The following COL4A4 variants were observed in gnomAD, a reference collection of about 807,000 sequenced individuals.
The protein encoded by COL4A4 is collagen type IV alpha 4 chain, also known as collagen alpha-4(IV) chain.
A neutral mutation model predicts 192.9 loss-of-function variants in COL4A4; 105 were observed. The observed-to-expected ratio is 0.54, with a 90% CI of 0.46 to 0.64. The LOEUF is 0.64. Among genes scored for constraint, COL4A4 ranks in the 30% least tolerant of loss-of-function variants. The pLI, the probability that COL4A4 is intolerant of heterozygous loss-of-function variation, is 0.00. For synonymous variants in COL4A4, 762 were observed against 769.9 expected (o/e 0.99, Z 0.17); for missense variants, 1,967 against 2,169.3 (o/e 0.91, Z 1.85).
At chr2:227,023,977 G>A (rs997063744) in intron 43 of COL4A4, among the ~76,000 whole-genome samples, 1 of 150,676 alleles carries the variant, frequency 6.6e-6, no homozygotes, top group African/African-American at 2.4e-5. Context: ...TTAAACTCCA[G>A]CCTGGTGACA....
the COL4A4 span, among the ~76,000 whole-genome samples, chr2:226,976,911 C>T: frequency 2.0e-5 from 3 of 152,180 alleles, no homozygotes; most frequent in East Asian, 5.8e-4. Context: ...TTTTGACCCC[C>T]TCCTCCCATT....
intron 43 of COL4A4, among the ~76,000 whole-genome samples, chr2:227,023,733 G>T (rs926314589): frequency 9.2e-5 from 14 of 152,294 alleles, no homozygotes; most frequent in Admixed American, 7.8e-4. Flanking sequence ...CTCAGGCTTC[G>T]CCAGGCGCGG....
At chr2:227,042,633 T>C (rs1474735748) in intron 36 of COL4A4, among the ~76,000 whole-genome samples, 1 of 152,106 alleles carries the variant, frequency 6.6e-6, no homozygotes, top group Non-Finnish European at 1.5e-5. Context: ...AAGGAGCTGC[T>C]ATCTGGGCCA....
At chr2:227,119,721 G>GAT (rs995106716) in intron 6 of COL4A4, among the ~76,000 whole-genome samples, 174 bp downstream of exon 6, 11 of 147,976 alleles carry the variant, frequency 7.4e-5, no homozygotes, top group South Asian at 4.2e-4. Flanking sequence ...TATGGTGAAA[G>GAT]ATATATATAT....
At chr2:227,158,389 A>G (rs2064524660) in intron 1 of COL4A4, among the ~76,000 whole-genome samples, 2 of 152,190 alleles carry the variant, frequency 1.3e-5, no homozygotes, top group African/African-American at 2.4e-5. Context: ...AGAAGAAAAC[A>G]TAGGAGAAAA....
rs754649548 is a variant in COL4A4, at chr2:227,098,798, C to T, written c.1100G>A (p.Gly367Asp). 1.2e-6 allele frequency: 2 copies of T among 1,612,448 alleles called. No individual in the cohort carries two copies. The highest frequency in any genetic ancestry group is 1.7e-5 in the Admixed American group (1 of 59,988). The change falls in exon 19 of 48, where the codon GGC becomes GAC. Residue 367 changes from glycine (G) to aspartate (D), a missense_variant and splice_region_variant. By Grantham distance (94) the Gly-to-Asp change is moderately conservative. Transcript: ENST00000396625. ...VLVTPPLPLK[G>D]PPGDPGFPGR... is the part of the protein sequence containing the mutation. ...AGGGAACCCTGGGTCCCCTGGTGGGCCTGCCAAAGATAATGGTACATGAGA... is the reference window on the plus strand; with the variant it reads ...AGGGAACCCTGGGTCCCCTGGTGGGTCTGCCAAAGATAATGGTACATGAGA...
At chr2:227,089,612 T>TATATATATATATAC (rs1383778504) in intron 21 of COL4A4, among the ~76,000 whole-genome samples, 8 of 141,862 alleles carry the variant, frequency 5.6e-5, no homozygotes, top group East Asian at 2.1e-4. Context: ...TATATATACA[T>TATATATATATATAC]ACATATATAT....
chr2:227,108,821 A>C lies in COL4A4; in HGVS notation c.693+12T>G. On this transcript the variant is annotated intron_variant, in intron 11 of 47. Transcript: ENST00000396625. ...AGGGCTCTATTGATGTATCTTGCTC[A>C]TGACTGCCTACCTTCAAACCTGGAC... is the stretch of plus-strand genomic sequence containing the variant. 1 of 1,611,332 alleles carries C rather than the reference A, an allele frequency of 6.2e-7. No homozygotes were observed. The highest frequency in any genetic ancestry group is 1.3e-5 in the African/African-American group (1 of 74,980).
At chr2:227,068,390 C>T (rs1366569988) in intron 25 of COL4A4, among the ~76,000 whole-genome samples, 1 of 152,134 alleles carries the variant, frequency 6.6e-6, no homozygotes, top group Non-Finnish European at 1.5e-5. Context: ...CATCCTGATA[C>T]CAAAGCCAGG....
the COL4A4 span, chr2:226,997,641 A>G: frequency 2.3e-3 from 352 of 152,256 alleles, 2 homozygotes; most frequent in African/African-American, 7.9e-3. Flanking sequence ...ATTTTTTTAT[A>G]TCACTTGAGT....
At chr2:227,077,820 A>T in intron 25 of COL4A4, 74 bp downstream of exon 25, 1 of 1,347,664 alleles carries the variant, frequency 7.4e-7, no homozygotes, top group Non-Finnish European at 1.0e-6. Context: ...ACCACTATAT[A>T]ATTCTTCCAC....
rs200590191 is a variant in COL4A4, at chr2:227,059,644, A to AT, written c.2165-22dup. ...AAAACCTATTTAACAACAAAAAAAA[A>AT]TTTTTAATGATAACATGTGCAAGTA... On this transcript the variant is annotated intron_variant, in intron 27 of 47. Coordinates refer to ENST00000396625, the MANE Select transcript of COL4A4 (RefSeq NM_000092.5). 0.024 allele frequency: 37,043 copies of AT among 1,563,596 alleles called. 710 individuals carry two copies. The highest frequency in any genetic ancestry group is 0.067 in the South Asian group (6,057 of 90,114).
At position 227,054,637 on chromosome 2, in the gene COL4A4, G is replaced by A; in HGVS notation, c.2817C>T (p.Gly939=). The part of the protein sequence containing the change: ...PGAKGEPGEK[G]MSGLPGDRGL... ...CCCGGTCTCCAGGAAGGCCAGACAT[G>A]CCCTTCTCTCCAGGTTCTCCCTTTG... Residue 939 remains glycine (G), a synonymous_variant, in exon 31 of 48, where the codon GGC becomes GGT. Transcript: ENST00000396625. 1 of 1,614,158 alleles carries A rather than the reference G, an allele frequency of 6.2e-7. No individual in the cohort carries two copies. The highest frequency in any genetic ancestry group is 8.5e-7 in the Non-Finnish European group (1 of 1,179,998).
chr2:227,008,335 C>T (rs773735826), intron 46 of COL4A4, 31 bp from the exon 47 acceptor site: 2 of 1,610,174 alleles, frequency 1.2e-6, no homozygotes, highest in Non-Finnish European at 1.7e-6. Flanking sequence ...CAGCTGGTGT[C>T]CAAGCACCCC....
At chr2:227,051,190 C>T (rs1249904441) in intron 32 of COL4A4, 32 bp from the exon 33 acceptor site, 1 of 1,612,280 alleles carries the variant, frequency 6.2e-7, no homozygotes. Context: ...CAGGTCTCTG[C>T]TGAAATTTTG....
intron 44 of COL4A4, among the ~76,000 whole-genome samples, chr2:227,021,580 C>T (rs1179733211): frequency 6.6e-6 from 1 of 152,106 alleles, no homozygotes; most frequent in African/African-American, 2.4e-5. Flanking sequence ...AATCCCAGCA[C>T]TTTGGGAGGC....
chr2:227,055,724 C>G (rs552763478), intron 30 of COL4A4, among the ~76,000 whole-genome samples: 6 of 152,004 alleles, frequency 3.9e-5, no homozygotes, highest in Non-Finnish European at 7.4e-5. Flanking sequence ...AATTCTGTGG[C>G]CCTAACACCT....
chr2:227,065,787 G>T (rs1253803206), intron 25 of COL4A4, among the ~76,000 whole-genome samples: 1 of 152,214 alleles, frequency 6.6e-6, no homozygotes, highest in African/African-American at 2.4e-5. Context: ...AAACAGAGCA[G>T]AAAAACTGGA....
chr2:227,124,741 C>A (rs2061989894), intron 4 of COL4A4, among the ~76,000 whole-genome samples: 1 of 152,160 alleles, frequency 6.6e-6, no homozygotes, highest in African/African-American at 2.4e-5. Flanking sequence ...TAAAAACAAA[C>A]AATGACTTCA....
Sources: gnomAD v4.1 joint callset for allele counts (sites outside exome capture counted in the v4.1 genomes callset) on GRCh38, gnomAD v4.1.1 for gene constraint, MANE v1.5 for transcripts, NCBI Gene and HGNC (gene_info 2026-07-23, HGNC 2026-07-21) for gene names.